PTPN14: variants seen among roughly 807,000 people sequenced by gnomAD.
PTPN14 encodes tyrosine-protein phosphatase non-receptor type 14.
PTPN14 carries 53 observed loss-of-function variants against 126.8 expected under a neutral mutation model. The observed-to-expected ratio is 0.42, with a 90% CI of 0.34 to 0.53. PTPN14 has a LOEUF of 0.53. Ranked by LOEUF, PTPN14 falls within the 20% of genes least tolerant of loss-of-function variation. The pLI, the probability that PTPN14 is intolerant of heterozygous loss-of-function variation, is 0.08. For missense variants in PTPN14, 1,257 were observed against 1,552.9 expected (o/e 0.81, Z 3.20); for synonymous variants, 630 against 599.3 (o/e 1.05, Z -0.75).
chr1:214,368,252 A>G (rs1658132035), intron 17 of PTPN14, among the ~76,000 whole-genome samples: 1 of 129,030 alleles, frequency 7.8e-6, no homozygotes, highest in South Asian at 2.4e-4. Context: ...CTTGTTGCCC[A>G]GACTGAAGTG....
intron 3 of PTPN14, among the ~76,000 whole-genome samples, chr1:214,449,574 G>A (rs1007538974): frequency 1.3e-5 from 2 of 152,158 alleles, no homozygotes; most frequent in African/African-American, 4.8e-5. Flanking sequence ...TTAATGCTGT[G>A]TTCCTAGCAC....
chr1:214,442,518 T>A (rs1159035543), intron 3 of PTPN14, among the ~76,000 whole-genome samples: 1 of 152,244 alleles, frequency 6.6e-6, no homozygotes, highest in Non-Finnish European at 1.5e-5. Context: ...AAACATTACA[T>A]GAAGACTCCT....
intron 3 of PTPN14, among the ~76,000 whole-genome samples, chr1:214,446,459 A>G (rs1009347827): frequency 3.3e-5 from 5 of 152,232 alleles, no homozygotes; most frequent in Non-Finnish European, 7.3e-5. Context: ...GATGAGACAC[A>G]GTATGTCAAA....
chr1:214,454,489 G>A (rs1182722616), intron 2 of PTPN14, among the ~76,000 whole-genome samples: 3 of 152,090 alleles, frequency 2.0e-5, no homozygotes, highest in South Asian at 4.1e-4. Context: ...AAATCCCTCA[G>A]AGAAAGAATA....
At chr1:214,465,045 CCCCCCACCCCG>C (rs1660600917) in intron 1 of PTPN14, 88 bp from the exon 2 acceptor site, 1 of 5,694 alleles carries the variant, frequency 1.8e-4, no homozygotes, top group East Asian at 1.7e-3. Flanking sequence ...GCCCCCCCCC[CCCCCCACCCCG>C]CCAAACAGAT....
intron 1 of PTPN14, among the ~76,000 whole-genome samples, chr1:214,497,900 T>TTTTC (rs1654574462): frequency 6.6e-6 from 1 of 152,046 alleles, no homozygotes; most frequent in Non-Finnish European, 1.5e-5. Flanking sequence ...GTCAATTTCA[T>TTTTC]TAGAAACACA....
chr1:214,496,106 G>A (rs1347623735), intron 1 of PTPN14, among the ~76,000 whole-genome samples: 1 of 152,132 alleles, frequency 6.6e-6, no homozygotes, highest in African/African-American at 2.4e-5. Context: ...CTTATAATTT[G>A]CTCAGTAATT....
chr1:214,372,848 C>G lies in PTPN14; in HGVS notation c.2908-9G>C. ...GCCCCGCCAACCACCACCTAAAAAC[C>G]AAGAAAAGTATCGGTAAATAAACCC... On this transcript the variant is annotated splice_polypyrimidine_tract_variant and intron_variant, in intron 15 of 18. Transcript: ENST00000366956. The G allele has an allele frequency of 6.2e-7, 1 of 1,613,720 alleles. No individual in the cohort carries two copies. The highest frequency in any genetic ancestry group is 8.5e-7 in the Non-Finnish European group (1 of 1,179,770).
At chr1:214,458,070 CAG>C (rs1572012418) in intron 2 of PTPN14, among the ~76,000 whole-genome samples, 1 of 151,362 alleles carries the variant, frequency 6.6e-6, no homozygotes, top group South Asian at 2.1e-4. Context: ...GAGAGAGAGA[CAG>C]AGAGATTCAC....
chr1:214,395,642 CCTTCCCTGT>C (rs1658861601), intron 8 of PTPN14, among the ~76,000 whole-genome samples: 2 of 146,206 alleles, frequency 1.4e-5, no homozygotes, highest in South Asian at 4.3e-4. Flanking sequence ...CACAGAGTTT[CCTTCCCTGT>C]CTTCATGGAG....
chr1:214,497,618 G>A (rs761362915), intron 1 of PTPN14, among the ~76,000 whole-genome samples: 4 of 145,686 alleles, frequency 2.7e-5, no homozygotes, highest in Non-Finnish European at 6.0e-5. Flanking sequence ...ATGGGACCTG[G>A]TGCAAAGGTA....
At chr1:214,358,084 G>T (rs1215922394) in intron 18 of PTPN14, 34 bp from the exon 19 acceptor site, 3 of 1,607,870 alleles carry the variant, frequency 1.9e-6, no homozygotes, top group Middle Eastern at 2.1e-4. Flanking sequence ...AAGGTCCTGA[G>T]ACAGGAGGCT....
intron 2 of PTPN14, among the ~76,000 whole-genome samples, chr1:214,463,480 G>C (rs1558114111): frequency 1.3e-5 from 2 of 152,170 alleles, no homozygotes; most frequent in African/African-American, 4.8e-5. Flanking sequence ...TGAAACCAAA[G>C]TATAAACACC....
intron 1 of PTPN14, among the ~76,000 whole-genome samples, chr1:214,499,179 C>T (rs1279241207): frequency 6.6e-6 from 1 of 152,068 alleles, no homozygotes; most frequent in Non-Finnish European, 1.5e-5. Context: ...GAAAATTCTT[C>T]GTTCACTGCA....
intron 1 of PTPN14, among the ~76,000 whole-genome samples, chr1:214,472,592 G>A (rs1660783230): frequency 6.6e-6 from 1 of 152,200 alleles, no homozygotes; most frequent in Non-Finnish European, 1.5e-5. Context: ...CAGGGCAGGA[G>A]TCTCCAGCAT....
At chr1:214,474,335 A>T (rs1660824259) in intron 1 of PTPN14, among the ~76,000 whole-genome samples, 1 of 152,194 alleles carries the variant, frequency 6.6e-6, no homozygotes, top group African/African-American at 2.4e-5. Context: ...CAGGAAACAA[A>T]AGAACACCCT....
rs1188096687 is a variant in PTPN14, at chr1:214,414,677, G to A, written c.394C>T (p.Arg132Ter). 1.2e-6 allele frequency: 2 copies of A among 1,614,054 alleles called. No homozygotes were observed. The highest frequency in any genetic ancestry group is 1.7e-6 in the Non-Finnish European group (2 of 1,179,944). ...CGAATCACCTGGTCCAATGTACATC[G>A]TAATCGCCCTTCAAGCACATCTTTT... ...VKKDVLEGRL[R>*]CTLDQVIRLA... The change falls in exon 4 of 19, where the codon CGA becomes TGA. Residue 132 changes from arginine (R) to a stop codon, truncating the protein, a stop_gained. Coordinates refer to ENST00000366956, the MANE Select transcript of PTPN14 (RefSeq NM_005401.5). LOFTEE classifies it high-confidence loss of function.
chr1:214,540,176 C>A (rs1655802314), intron 1 of PTPN14, among the ~76,000 whole-genome samples: 1 of 151,908 alleles, frequency 6.6e-6, no homozygotes, highest in Admixed American at 6.6e-5. Context: ...TCATTATAAC[C>A]CACGGATTTA....
At chr1:214,440,677 G>C (rs760818927) in intron 3 of PTPN14, among the ~76,000 whole-genome samples, 2 of 152,126 alleles carry the variant, frequency 1.3e-5, no homozygotes, top group African/African-American at 2.4e-5. Flanking sequence ...AAATCAACTG[G>C]GTCAATGAAG....
Sources: allele counts gnomAD v4.1 joint callset (sites outside exome capture counted in the v4.1 genomes callset), GRCh38; gene constraint gnomAD v4.1.1; transcripts MANE v1.5; gene names NCBI Gene and HGNC (gene_info 2026-07-23, HGNC 2026-07-21).